The following WDR19 variants were observed in gnomAD, a reference collection of about 807,000 sequenced individuals.
WDR19 encodes WD repeat domain 19.
WDR19 carries 121 observed loss-of-function variants against 180.0 expected under a neutral mutation model. The ratio of observed to expected loss-of-function variants is 0.67; its 90% CI spans 0.58 to 0.78. The LOEUF is 0.78. Among genes scored for constraint, WDR19 ranks in the 30% least tolerant of loss-of-function variants. The pLI is 0.00. For synonymous variants in WDR19, 497 were observed against 540.7 expected (o/e 0.92, Z 1.12); for missense variants, 1,450 against 1,640.7 (o/e 0.88, Z 2.01).
chr4:39,199,036 A>G (rs896916529), intron 5 of WDR19, among the ~76,000 whole-genome samples: 2 of 151,450 alleles, frequency 1.3e-5, no homozygotes, highest in Non-Finnish European at 2.9e-5. Flanking sequence ...GTGTGGTGGC[A>G]TGTGCCTATA....
Position 39,257,497 on chromosome 4 carries a change from C to G in WDR19, c.3126C>G (p.His1042Gln), listed in dbSNP as rs1490255888. ...AATTCGCTTTTCAGGCACTTAAACACTTCCTGAAATGCCCAAGCTCGGAAG... is the reference window on the plus strand; with the variant it reads ...AATTCGCTTTTCAGGCACTTAAACAGTTCCTGAAATGCCCAAGCTCGGAAG... Reference protein sequence around the residue: ...LCGQYSRALKHFLKCPSSEDN... With the variant: ...LCGQYSRALKQFLKCPSSEDN... Residue 1042 changes from histidine to glutamine, a missense_variant, in exon 28 of 37, where the codon CAC becomes CAG. Physicochemically the swap from His to Gln is conservative, Grantham distance 24. Transcript: ENST00000399820. The G allele has an allele frequency of 5.7e-6, 9 of 1,583,938 alleles. No individual in the cohort carries two copies. The highest frequency in any genetic ancestry group is 6.9e-6 in the Non-Finnish European group (8 of 1,163,848).
chr4:39,275,097 T>C lies in WDR19; in HGVS notation c.3716+139T>C. 1.8e-6 allele frequency: 2 copies of C among 1,085,632 alleles called. 1 individual carries two copies. 67.2% of individuals were successfully genotyped at this position (1,085,632 alleles called of 1,614,324 possible). A position where few individuals can be genotyped will look rare whatever the true frequency, so the allele number is the denominator to read the frequency against. On this transcript the variant is annotated intron_variant, in intron 33 of 36. Transcript: ENST00000399820. ...GCTCACACCTATAATCCCAACACTT[T>C]GGAAGGCTGAGGTGGACAAATCACT...
intron 3 of WDR19, among the ~76,000 whole-genome samples, chr4:39,188,618 CAAAAAAA>C (rs60149380): frequency 1.2e-5 from 1 of 81,188 alleles, no homozygotes; most frequent in African/African-American, 4.4e-5. Context: ...GACCTTGTCT[CAAAAAAA>C]AAAAAAAAAA....
intron 15 of WDR19, among the ~76,000 whole-genome samples, chr4:39,226,258 T>C (rs1730239317): frequency 6.6e-6 from 1 of 152,214 alleles, no homozygotes; most frequent in Non-Finnish European, 1.5e-5. Flanking sequence ...ACAAGGTGAT[T>C]TCAATCATTT....
chr4:39,257,352 C>A, intron 27 of WDR19, 134 bp from the exon 28 acceptor site: 1 of 821,608 alleles, frequency 1.2e-6, no homozygotes, highest in Non-Finnish European at 1.9e-6. Flanking sequence ...GATCCAACAC[C>A]ATGCAAGCCC....
chr4:39,238,692 T>C (rs1324928912), intron 20 of WDR19, among the ~76,000 whole-genome samples: 1 of 152,176 alleles, frequency 6.6e-6, no homozygotes, highest in Non-Finnish European at 1.5e-5. Context: ...TTTCCAAAAA[T>C]GTCCTTGTAC....
intron 21 of WDR19, 25 bp from the exon 22 acceptor site, chr4:39,244,223 G>A (rs751125749): frequency 6.2e-7 from 1 of 1,603,700 alleles, no homozygotes; most frequent in South Asian, 1.1e-5. Flanking sequence ...AATCTGATTT[G>A]TTAGTGTTTG....
chr4:39,223,967 C>G (rs1729969957), intron 14 of WDR19, among the ~76,000 whole-genome samples: 1 of 152,252 alleles, frequency 6.6e-6, no homozygotes, highest in Non-Finnish European at 1.5e-5. Flanking sequence ...AATTTCCCAT[C>G]CATGAACACA....
intron 24 of WDR19, among the ~76,000 whole-genome samples, chr4:39,249,617 AAG>A (rs1483204689): frequency 2.0e-5 from 3 of 152,216 alleles, no homozygotes; most frequent in Non-Finnish European, 2.9e-5. Context: ...TAAAGAACAA[AAG>A]AGAGAAGAAT....
intron 6 of WDR19, among the ~76,000 whole-genome samples, chr4:39,202,149 A>T (rs1727433446): frequency 6.6e-6 from 1 of 152,126 alleles, no homozygotes; most frequent in South Asian, 2.1e-4. Flanking sequence ...CGTCTGTTAG[A>T]TAGCTGTTGG....
At chr4:39,278,383 T>C (rs1196436461) in intron 35 of WDR19, 156 bp from the exon 36 acceptor site, 5 of 814,464 alleles carry the variant, frequency 6.1e-6, no homozygotes, top group Non-Finnish European at 9.6e-6. Context: ...TTAAAGAGGA[T>C]CTTGCATGAG....
intron 28 of WDR19, among the ~76,000 whole-genome samples, chr4:39,260,136 T>C (rs1734144448): frequency 6.6e-6 from 1 of 151,792 alleles, no homozygotes; most frequent in South Asian, 2.1e-4. Flanking sequence ...AGAAAATGGG[T>C]CATTTATCCT....
intron 15 of WDR19, among the ~76,000 whole-genome samples, chr4:39,227,800 A>G (rs929726257): frequency 6.6e-6 from 1 of 152,206 alleles, no homozygotes; most frequent in African/African-American, 2.4e-5. Flanking sequence ...TACTTCAATC[A>G]TGTGAGTTAA....
chr4:39,226,926 G>A (rs902067083), intron 15 of WDR19, among the ~76,000 whole-genome samples: 3 of 152,124 alleles, frequency 2.0e-5, no homozygotes, highest in Non-Finnish European at 4.4e-5. Context: ...CCCATTAACA[G>A]TGTAAAAGCG....
At chr4:39,255,358 A>C (rs1733646219) in intron 26 of WDR19, among the ~76,000 whole-genome samples, 1 of 152,092 alleles carries the variant, frequency 6.6e-6, no homozygotes, top group Admixed American at 6.6e-5. Flanking sequence ...GTTATACTTT[A>C]GTATTCTATT....
At chr4:39,239,670 TA>T (rs200662733) in intron 20 of WDR19, among the ~76,000 whole-genome samples, 1 of 151,460 alleles carries the variant, frequency 6.6e-6, no homozygotes, top group Non-Finnish European at 1.5e-5. Flanking sequence ...CCCCCGAATT[TA>T]AAAAAAAATT....
intron 20 of WDR19, 112 bp downstream of exon 20, chr4:39,234,987 G>A: frequency 1.6e-6 from 1 of 638,632 alleles, no homozygotes; most frequent in Non-Finnish European, 2.7e-6. Context: ...TTTTTTTAGA[G>A]AAAAAATACT....
intron 14 of WDR19, among the ~76,000 whole-genome samples, chr4:39,222,265 G>A (rs1389774642): frequency 6.6e-6 from 1 of 152,040 alleles, no homozygotes; most frequent in Middle Eastern, 3.2e-3. Flanking sequence ...TGATTGAGTT[G>A]TTTTCTTATT....
chr4:39,215,117 C>A (rs1261001738), intron 10 of WDR19, among the ~76,000 whole-genome samples: 1 of 152,040 alleles, frequency 6.6e-6, no homozygotes, highest in Admixed American at 6.6e-5. Flanking sequence ...CTAAAATAGT[C>A]TCCTTATTTT....
Sources: gnomAD v4.1 joint callset for allele counts (sites outside exome capture counted in the v4.1 genomes callset) on GRCh38, gnomAD v4.1.1 for gene constraint, MANE v1.5 for transcripts, NCBI Gene and HGNC (gene_info 2026-07-23, HGNC 2026-07-21) for gene names.